Variants in PTCH1 observed in about 807,000 individuals in gnomAD.
PTCH1 encodes the protein patched 1.
In PTCH1, 14 loss-of-function variants were observed where a neutral mutation model predicts 144.6. The ratio of observed to expected loss-of-function variants is 0.10; its 90% CI spans 0.06 to 0.15. The LOEUF is 0.15. Ranked by LOEUF, PTCH1 falls within the 10% of genes least tolerant of loss-of-function variation. The probability of loss-of-function intolerance (pLI) is 1.00; values close to 1 mark genes in which losing one functional copy is unlikely to be tolerated. For missense variants in PTCH1, 1,623 were observed against 1,948.3 expected (o/e 0.83, Z 3.14); for synonymous variants, 833 against 793.6 (o/e 1.05, Z -0.83).
At chr9:95,464,996 G>T (rs1409568578) in intron 15 of PTCH1, among the ~76,000 whole-genome samples, 3 of 152,132 alleles carry the variant, frequency 2.0e-5, no homozygotes, top group South Asian at 2.1e-4. Flanking sequence ...GGGCTGCCTG[G>T]GACCCTGATT....
At chr9:95,494,405 G>C in intron 2 of PTCH1, 1 of 985,512 alleles carries the variant, frequency 1.0e-6, no homozygotes, top group Non-Finnish European at 1.2e-6. Flanking sequence ...CTTCTTCATT[G>C]GTTACTTGCC....
chr9:95,504,215 G>A (rs1439984867), intron 2 of PTCH1, among the ~76,000 whole-genome samples: 1 of 152,040 alleles, frequency 6.6e-6, no homozygotes, highest in East Asian at 1.9e-4. Context: ...ACTGCCAAAA[G>A]TAAGCAAAGT....
chr9:95,498,886 T>C (rs912013478), intron 2 of PTCH1, among the ~76,000 whole-genome samples: 2 of 152,144 alleles, frequency 1.3e-5, no homozygotes, highest in African/African-American at 4.8e-5. Context: ...CTCGTGAGGA[T>C]GGAACACATA....
At chr9:95,447,483 G>C (rs1185371132) in intron 22 of PTCH1, 32 bp from the exon 23 acceptor site, 4 of 1,520,200 alleles carry the variant, frequency 2.6e-6, no homozygotes, top group African/African-American at 1.4e-5. Flanking sequence ...TAGAAGGGTG[G>C]TATCCCAGGC....
chr9:95,499,592 A>T (rs1354756203), intron 2 of PTCH1, among the ~76,000 whole-genome samples: 10 of 151,894 alleles, frequency 6.6e-5, no homozygotes, highest in Admixed American at 6.6e-4. Flanking sequence ...TAATAGGATG[A>T]CACAGCCATG....
At chr9:95,507,030 G>T in intron 1 of PTCH1, 1 of 989,534 alleles carries the variant, frequency 1.0e-6, no homozygotes, top group Non-Finnish European at 1.2e-6. Context: ...CATCACCCTC[G>T]GGGACGGGCG....
In PTCH1 at chr9:95,479,862, C is replaced by T. The variant is rs55873843; in HGVS notation, c.1067+107G>A. ...GACGCCACCTGGCTAGCGAGGATAACGGTTTAAGTATTAATACAAATACAC... is the reference window on the plus strand; with the variant it reads ...GACGCCACCTGGCTAGCGAGGATAATGGTTTAAGTATTAATACAAATACAC... On this transcript the variant is annotated intron_variant, in intron 7 of 23. Coordinates refer to ENST00000331920, the MANE Select transcript of PTCH1 (RefSeq NM_000264.5). The T allele has an allele frequency of 4.0e-3, 6,160 of 1,558,082 alleles. 31 individuals are homozygous for T. Among genetic ancestry groups the T allele is most frequent in the Middle Eastern group, 0.016 (93 of 5,940 alleles).
chr9:95,477,174 C>T (rs1348431276), intron 10 of PTCH1, among the ~76,000 whole-genome samples: 2 of 152,236 alleles, frequency 1.3e-5, no homozygotes, highest in South Asian at 2.1e-4. Context: ...CTGAAGTGCA[C>T]ATTCTCAGCC....
chr9:95,500,943 C>CAA (rs1438864022), intron 2 of PTCH1, among the ~76,000 whole-genome samples: 2 of 152,192 alleles, frequency 1.3e-5, no homozygotes, highest in Non-Finnish European at 2.9e-5. Context: ...TGGCCTCTTT[C>CAA]CTCTTTCGAC....
Position 95,506,533 on chromosome 9 carries a change from G to C in PTCH1, c.268C>G (p.Leu90Val). 6.2e-7 allele frequency: 1 copy of C among 1,613,546 alleles called. No individual in the cohort carries two copies. Among genetic ancestry groups the C allele is most frequent in the Non-Finnish European group, 8.5e-7 (1 of 1,179,696 alleles). Residue 90 changes from leucine to valine, a missense_variant, in exon 2 of 24, where the codon CTG (leucine) becomes GTG (valine). By Grantham distance (32) the Leu-to-Val change is conservative. This residue lies in a region of PTCH1 where 245 missense variants were observed against 240.6 expected (regional missense o/e 1.02). Coordinates refer to ENST00000331920, the MANE Select transcript of PTCH1 (RefSeq NM_000264.5). ...RAKFQRLLFK[L>V]GCYIQKNCGK... ...CAGTTTTTTTGAATGTAACAACCCA[G>C]TTTAAATAAGAGTCTCTGAAACTTC...
chr9:95,467,265 T>C lies in PTCH1; in HGVS notation c.2411A>G (p.Tyr804Cys), dbSNP rs1840090729. 6.2e-7 allele frequency: 1 copy of C among 1,614,126 alleles called. No individual in the cohort carries two copies. The highest frequency in any genetic ancestry group is 8.5e-7 in the Non-Finnish European group (1 of 1,180,036). The change falls in exon 15 of 24, where the codon TAT becomes TGT. Residue 804 changes from tyrosine (Y) to cysteine (C), a missense_variant. Physicochemically the swap from Tyr to Cys is radical, Grantham distance 194. Transcript: ENST00000331920. ...QFKYFSFYNMYIVTQKADYPN... is the reference protein window; with the variant it reads ...QFKYFSFYNMCIVTQKADYPN... ...GTAGTCTGCTTTCTGGGTGACTATA[T>C]ACATGTTGTAGAAAGAAAAGTATTT...
At chr9:95,512,111 G>T (rs1587706862), upstream of PTCH1, among the ~76,000 whole-genome samples, 1 of 152,222 alleles carries the variant, frequency 6.6e-6, no homozygotes, top group Non-Finnish European at 1.5e-5. Flanking sequence ...GCGGCTGCAT[G>T]TCCTCTGGTT....
At chr9:95,465,820 GGTACTCCA>G (rs1399208280) in intron 15 of PTCH1, among the ~76,000 whole-genome samples, 1 of 152,166 alleles carries the variant, frequency 6.6e-6, no homozygotes, top group Non-Finnish European at 1.5e-5. Flanking sequence ...ATAATGATTT[GGTACTCCA>G]GTAAAAGTGT....
intron 2 of PTCH1, among the ~76,000 whole-genome samples, chr9:95,496,136 T>A (rs1459441645): frequency 4.6e-5 from 7 of 152,204 alleles, no homozygotes; most frequent in Admixed American, 3.9e-4. Flanking sequence ...ACCCCTGACA[T>A]AAATTTTACA....
chr9:95,470,018 A>G, intron 12 of PTCH1, 87 bp from the exon 13 acceptor site: 1 of 1,018,972 alleles, frequency 9.8e-7, no homozygotes. Flanking sequence ...CTTTTAAACA[A>G]TATTTTTCTT....
At chr9:95,498,635 A>C (rs1296006292) in intron 2 of PTCH1, among the ~76,000 whole-genome samples, 1 of 152,248 alleles carries the variant, frequency 6.6e-6, no homozygotes, top group African/African-American at 2.4e-5. Flanking sequence ...TGTAAAGGAA[A>C]AAAAGTGCCC....
chr9:95,503,424 C>T (rs544359757), intron 2 of PTCH1: 1 of 152,128 alleles, frequency 6.6e-6, no homozygotes, highest in African/African-American at 2.4e-5. Flanking sequence ...AAGATCTCTA[C>T]ACAATCACTT....
chr9:95,473,796 C>G (rs1840798279), intron 12 of PTCH1, among the ~76,000 whole-genome samples: 1 of 152,182 alleles, frequency 6.6e-6, no homozygotes, highest in African/African-American at 2.4e-5. Flanking sequence ...CCCGTCTCGG[C>G]CTCCCAAAGT....
At position 95,485,777 on chromosome 9, in the gene PTCH1, T is replaced by C; in HGVS notation, c.492A>G (p.Glu164=). 1 of 1,614,234 alleles carries C rather than the reference T, an allele frequency of 6.2e-7. No homozygotes were observed. Among genetic ancestry groups the C allele is most frequent in the East Asian group, 2.2e-5 (1 of 44,890 alleles). The part of the protein sequence containing the change: ...NPQLMIQTPK[E]EGANVLTTEA... ...CTGTGGTCAGGACATTAGCACCTTCTTCTTTAGGGGTCTGTATCATGAGTT... is the reference window on the plus strand; with the variant it reads ...CTGTGGTCAGGACATTAGCACCTTCCTCTTTAGGGGTCTGTATCATGAGTT... Residue 164 remains glutamate, a synonymous_variant, in exon 3 of 24, where the codon GAA becomes GAG. Coordinates refer to ENST00000331920, the MANE Select transcript of PTCH1 (RefSeq NM_000264.5).
Sources: gnomAD v4.1 joint callset for allele counts (sites outside exome capture counted in the v4.1 genomes callset) on GRCh38, gnomAD v4.1.1 for gene constraint, gnomAD v4.1.1 regional missense constraint, MANE v1.5 for transcripts, NCBI Gene and HGNC (gene_info 2026-07-23, HGNC 2026-07-21) for gene names.